The following TRDN variants were observed in gnomAD, a reference collection of about 807,000 sequenced individuals.
The protein encoded by TRDN is triadin in skeletal muscle.
Under a neutral mutation model 149.7 loss-of-function variants are expected in TRDN, and 161 were observed. The ratio of observed to expected loss-of-function variants is 1.08; its 90% CI spans 0.95 to 1.23. The LOEUF (loss-of-function observed/expected upper bound fraction) is 1.23, where lower values mean the gene tolerates loss of function less well. Among genes scored for constraint, TRDN ranks in the 50% most tolerant of loss-of-function variants. The pLI is 0.00. For synonymous variants in TRDN, 294 were observed against 250.5 expected, an observed-to-expected ratio of 1.17 and a Z score of -1.64; for missense variants, 896 against 823.5, an observed-to-expected ratio of 1.09 and a Z score of -1.08.
At chr6:123,485,252 T>C (rs533503666) in intron 9 of TRDN, among the ~76,000 whole-genome samples, 2 of 152,314 alleles carry the variant, frequency 1.3e-5, no homozygotes, top group South Asian at 4.1e-4. Context: ...TCTTTGTTAA[T>C]TCTGAGCTTC....
intron 24 of TRDN, among the ~76,000 whole-genome samples, chr6:123,303,897 G>T (rs1326417192): frequency 1.3e-5 from 2 of 152,058 alleles, no homozygotes; most frequent in Non-Finnish European, 2.9e-5. Context: ...TTTATTCAGG[G>T]AAGAGATAAT....
At chr6:123,563,357 A>G (rs1010984462) in intron 2 of TRDN, among the ~76,000 whole-genome samples, 2 of 152,208 alleles carry the variant, frequency 1.3e-5, no homozygotes, top group African/African-American at 2.4e-5. Context: ...AAGCAAAATA[A>G]AAAACTACTT....
intron 32 of TRDN, among the ~76,000 whole-genome samples, chr6:123,267,367 AT>A (rs1243141159): frequency 1.3e-5 from 2 of 152,086 alleles, no homozygotes; most frequent in Non-Finnish European, 2.9e-5. Flanking sequence ...AACCTGTGTA[AT>A]TTGACAAGAT....
chr6:123,410,871 T>A (rs1436083520), intron 12 of TRDN, among the ~76,000 whole-genome samples: 1 of 151,946 alleles, frequency 6.6e-6, no homozygotes, highest in South Asian at 2.1e-4. Context: ...CACAAATACA[T>A]AACAAAATGA....
At chr6:123,406,171 A>G (rs1224982279) in intron 12 of TRDN, among the ~76,000 whole-genome samples, 1 of 152,192 alleles carries the variant, frequency 6.6e-6, no homozygotes. Context: ...TGTAGGACCA[A>G]AGAAAACTAA....
intron 13 of TRDN, among the ~76,000 whole-genome samples, chr6:123,391,580 T>C (rs920251087): frequency 3.9e-5 from 6 of 152,044 alleles, no homozygotes; most frequent in African/African-American, 1.4e-4. Flanking sequence ...TTTATTTTGT[T>C]GCCTCCTCAG....
chr6:123,528,005 C>T (rs1163081529), intron 5 of TRDN, among the ~76,000 whole-genome samples: 2 of 151,776 alleles, frequency 1.3e-5, no homozygotes, highest in East Asian at 1.9e-4. Context: ...ATTTAAAAGG[C>T]ATATTCTTTA....
intron 6 of TRDN, among the ~76,000 whole-genome samples, chr6:123,514,878 A>AC (rs908669126): frequency 3.7e-4 from 57 of 152,150 alleles, no homozygotes; most frequent in African/African-American, 1.3e-3. Context: ...GGGAGTGAAC[A>AC]ATGAGAACAC....
chr6:123,382,067 G>A, intron 15 of TRDN, 51 bp downstream of exon 15: 1 of 1,379,842 alleles, frequency 7.2e-7, no homozygotes. Context: ...AAGGTATGCT[G>A]TTTCATGGTT....
At chr6:123,540,571 G>A (rs985801566) in intron 4 of TRDN, among the ~76,000 whole-genome samples, 2 of 152,204 alleles carry the variant, frequency 1.3e-5, no homozygotes, top group Non-Finnish European at 2.9e-5. Context: ...CCAGACTGGA[G>A]TGCAGTGGCG....
At chr6:123,354,398 GTTA>G (rs1780580139) in intron 20 of TRDN, among the ~76,000 whole-genome samples, 1 of 151,712 alleles carries the variant, frequency 6.6e-6, no homozygotes, top group Admixed American at 6.6e-5. Context: ...AATAGAAGCT[GTTA>G]TTATTTTATT....
intron 9 of TRDN, among the ~76,000 whole-genome samples, chr6:123,479,242 C>T (rs1163025657): frequency 6.6e-6 from 1 of 151,972 alleles, no homozygotes; most frequent in Non-Finnish European, 1.5e-5. Flanking sequence ...ATTTATAGTT[C>T]TAGACCAAAG....
intron 21 of TRDN, among the ~76,000 whole-genome samples, chr6:123,341,044 T>C (rs1331528944): frequency 6.6e-6 from 1 of 151,904 alleles, no homozygotes; most frequent in Non-Finnish European, 1.5e-5. Flanking sequence ...TTTTTAAAAA[T>C]ATATTTTATA....
chr6:123,459,197 G>C (rs759433326), intron 10 of TRDN, among the ~76,000 whole-genome samples: 3 of 152,136 alleles, frequency 2.0e-5, no homozygotes, highest in Non-Finnish European at 4.4e-5. Flanking sequence ...CATCCTGCCT[G>C]ACATGTGGTC....
In TRDN at chr6:123,305,281, A is replaced by G. The variant is rs531750428; in HGVS notation, c.1510+11176T>C. On this transcript the variant is annotated intron_variant, in intron 24 of 40. Transcript: ENST00000334268. ...GCCTTGGTTTGGCTTCCTAGCTTCA[A>G]GAGTTTTTTAAATCTAGGGTTTCTA... is the stretch of plus-strand genomic sequence containing the variant. Among the ~76,000 whole-genome samples, 84 of 152,280 alleles carry G rather than the reference A, an allele frequency of 5.5e-4. No homozygotes were observed. The Middle Eastern group carries it at 0.01, about 18-fold the overall frequency.
intron 1 of TRDN, among the ~76,000 whole-genome samples, chr6:123,609,627 TTC>T (rs1259541511): frequency 2.6e-5 from 4 of 152,170 alleles, no homozygotes; most frequent in Non-Finnish European, 5.9e-5. Context: ...AATTAATCAC[TTC>T]TCTCTTTGTT....
At chr6:123,248,222 C>T (rs968192932) in intron 38 of TRDN, among the ~76,000 whole-genome samples, 5 of 152,060 alleles carry the variant, frequency 3.3e-5, no homozygotes, top group Admixed American at 2.0e-4. Context: ...TCCAAATAAA[C>T]TCAGAGGAAA....
At chr6:123,366,419 G>A (rs913091279) in intron 19 of TRDN, among the ~76,000 whole-genome samples, 5 of 152,102 alleles carry the variant, frequency 3.3e-5, no homozygotes, top group Non-Finnish European at 7.3e-5. Flanking sequence ...AAAAATGTAG[G>A]TAGTGACCAT....
chr6:123,259,104 A>AT (rs570070521), intron 35 of TRDN, among the ~76,000 whole-genome samples: 2 of 151,904 alleles, frequency 1.3e-5, no homozygotes, highest in South Asian at 2.1e-4. Flanking sequence ...GGATTCACTG[A>AT]TTTTTTTAAG....
Sources: gnomAD v4.1 joint callset for allele counts (sites outside exome capture counted in the v4.1 genomes callset) on GRCh38, gnomAD v4.1.1 for gene constraint, MANE v1.5 for transcripts, NCBI Gene and HGNC (gene_info 2026-07-23, HGNC 2026-07-21) for gene names.